The following ATP13A5 variants were observed in gnomAD, a reference collection of about 807,000 sequenced individuals.
The protein encoded by ATP13A5 is probable cation-transporting ATPase 13A5.
In ATP13A5, 149 loss-of-function variants were observed where a neutral mutation model predicts 150.2. That is an observed-to-expected ratio of 0.99 (90% CI 0.87 to 1.14). The LOEUF (loss-of-function observed/expected upper bound fraction) is 1.14, where lower values mean the gene tolerates loss of function less well. Among genes scored for constraint, ATP13A5 ranks in the 50% most tolerant of loss-of-function variants. The probability of loss-of-function intolerance (pLI) is 0.00; values close to 1 mark genes in which losing one functional copy is unlikely to be tolerated. For synonymous variants in ATP13A5, 497 were observed against 522.2 expected, an observed-to-expected ratio of 0.95 and a Z score of 0.66; for missense variants, 1,383 against 1,449.3, an observed-to-expected ratio of 0.95 and a Z score of 0.74.
At chr3:193,341,164 T>G (rs913306780) in intron 9 of ATP13A5, among the ~76,000 whole-genome samples, 12 of 121,452 alleles carry the variant, frequency 9.9e-5, no homozygotes, top group Non-Finnish European at 1.9e-4. Flanking sequence ...ATTAACATAT[T>G]CCCCCCCCCT....
At chr3:193,347,829 T>C (rs1442665163) in intron 7 of ATP13A5, among the ~76,000 whole-genome samples, 3 of 152,166 alleles carry the variant, frequency 2.0e-5, no homozygotes, top group Non-Finnish European at 2.9e-5. Flanking sequence ...TGCAAATCCC[T>C]ACAATTCTCA....
chr3:193,295,764 T>G (rs1392103996), intron 25 of ATP13A5, among the ~76,000 whole-genome samples: 1 of 152,162 alleles, frequency 6.6e-6, no homozygotes, highest in East Asian at 1.9e-4. Context: ...ATATTGGTTA[T>G]TTAACTATAA....
chr3:193,284,111 C>T (rs1336988236), intron 27 of ATP13A5, among the ~76,000 whole-genome samples: 1 of 151,536 alleles, frequency 6.6e-6, no homozygotes, highest in Non-Finnish European at 1.5e-5. Flanking sequence ...GCCTCGACCT[C>T]CCAGGCTCAA....
intron 25 of ATP13A5, among the ~76,000 whole-genome samples, chr3:193,293,358 G>A (rs949943525): frequency 3.9e-5 from 6 of 152,114 alleles, no homozygotes; most frequent in African/African-American, 1.2e-4. Context: ...CTTCTGAAGT[G>A]TTATATGGTA....
At position 193,299,290 on chromosome 3, in the gene ATP13A5, G is replaced by C. The variant is rs1382687903; in HGVS notation, c.2776-87C>G. ...CCCTACACTCTTTTTAAGTCGTTAG[G>C]AGGCAGCTGTTACTTTTTTTTCCCT... On this transcript the variant is annotated intron_variant, in intron 24 of 29. Transcript: ENST00000342358. 3.0e-6 allele frequency: 3 copies of C among 1,002,648 alleles called. No individual in the cohort carries two copies. The African/African-American group carries it at 5.0e-5, about 17-fold the overall frequency. The allele number at this position is 1,002,648 out of a possible 1,614,324, so 62.1% of individuals were successfully genotyped here.
chr3:193,323,654 C>T (rs1425568189), intron 14 of ATP13A5: 6 of 152,206 alleles, frequency 3.9e-5, no homozygotes, highest in Admixed American at 3.9e-4. Flanking sequence ...ATAGTAAATA[C>T]ACCGATTCCT....
At chr3:193,345,675 G>A (rs1013181995) in intron 7 of ATP13A5, among the ~76,000 whole-genome samples, 3 of 152,146 alleles carry the variant, frequency 2.0e-5, no homozygotes, top group Non-Finnish European at 2.9e-5. Context: ...TGTAACAGAC[G>A]CATAAGTTAG....
chr3:193,306,585 A>G (rs1189009563), intron 22 of ATP13A5, among the ~76,000 whole-genome samples: 4 of 152,138 alleles, frequency 2.6e-5, no homozygotes, highest in Non-Finnish European at 4.4e-5. Flanking sequence ...TTAAATCTCT[A>G]ATAAGCTTTG....
chr3:193,321,880 T>C, intron 15 of ATP13A5, 43 bp from the exon 16 acceptor site: 1 of 1,600,732 alleles, frequency 6.2e-7, no homozygotes, highest in Non-Finnish European at 8.5e-7. Flanking sequence ...AGCTGCTAAG[T>C]GATATTTCCA....
At chr3:193,314,631 A>G (rs1718979046) in intron 18 of ATP13A5, among the ~76,000 whole-genome samples, 1 of 152,176 alleles carries the variant, frequency 6.6e-6, no homozygotes, top group African/African-American at 2.4e-5. Flanking sequence ...CTAGAGGACC[A>G]TCAACCAGAG....
At chr3:193,279,976 T>TAAAAAAAAAAAA (rs57617984) in intron 27 of ATP13A5, among the ~76,000 whole-genome samples, 1 of 59,890 alleles carries the variant, frequency 1.7e-5, no homozygotes, top group Non-Finnish European at 2.7e-5. Flanking sequence ...GTGTCTTTGT[T>TAAAAAAAAAAAA]AAAAAAAAAA....
In ATP13A5 at chr3:193,311,886, C is replaced by G. The variant is rs775619721; in HGVS notation, c.2375G>C (p.Cys792Ser). The stretch of plus-strand genomic sequence containing the variant: ...TTTCCCACTCATTGCAAAATGGTAA[C>G]AGCTTCCTCCTTCCCCACGAGGGGT... ...SSTPRGEGGS[C>S]YHFAMSGKSY... Residue 792 changes from cysteine to serine, a missense_variant, in exon 20 of 30, where the codon TGT becomes TCT. By Grantham distance (112) the Cys-to-Ser change is moderately radical. Transcript: ENST00000342358. 3 of 1,613,936 alleles carry G rather than the reference C, an allele frequency of 1.9e-6. No homozygotes were observed. Among genetic ancestry groups the G allele is most frequent in the Non-Finnish European group, 2.5e-6 (3 of 1,179,884 alleles).
intron 16 of ATP13A5, among the ~76,000 whole-genome samples, chr3:193,320,638 A>ACTTCTAAGGTTTT (rs6148253): frequency 0.8 from 118,714 of 147,868 alleles, 46,591 homozygotes; most frequent in East Asian, 0.94. Context: ...AAAAGGGGCT[A>ACTTCTAAGGTTTT]AAAAAAGACT....
rs9866818 is a variant in ATP13A5, at chr3:193,280,252, A to G, written c.3227-798T>C. ...GTATTTTCCATAGAGATGGGGTTTC[A>G]CCATATTGGCCAGGCTGGGCTCGAA... On this transcript the variant is annotated intron_variant, in intron 27 of 29. Transcript: ENST00000342358. Among the ~76,000 whole-genome samples the G allele has an allele frequency of 1.4e-3, 212 of 151,970 alleles. 2 individuals are homozygous for G. The highest frequency in any genetic ancestry group is 5.0e-3 in the African/African-American group (208 of 41,452).
chr3:193,337,169 T>A (rs1363036210), intron 9 of ATP13A5, among the ~76,000 whole-genome samples: 3 of 152,266 alleles, frequency 2.0e-5, no homozygotes, highest in Admixed American at 2.0e-4. Flanking sequence ...TGCAAAAATT[T>A]TCTCCCATTC....
intron 21 of ATP13A5, among the ~76,000 whole-genome samples, chr3:193,308,017 T>C (rs1011627440): frequency 5.9e-5 from 9 of 152,196 alleles, no homozygotes; most frequent in Non-Finnish European, 2.9e-5. Context: ...TTATAAGTAT[T>C]GATAAATGAC....
At position 193,301,249 on chromosome 3, in the gene ATP13A5, C is replaced by A; in HGVS notation, c.2737G>T (p.Gly913Cys). ...FGVFKYLTMYGIIQFISALLL... is the reference protein window; with the variant it reads ...FGVFKYLTMYCIIQFISALLL... Reference sequence around the variant, plus strand: ...AATGCACTGATAAACTGGATTATGCCGTACATGGTCAAGTATTTAAATACT... The same window carrying A: ...AATGCACTGATAAACTGGATTATGCAGTACATGGTCAAGTATTTAAATACT... Residue 913 changes from glycine (G) to cysteine (C), a missense_variant, in exon 24 of 30, where the codon GGC becomes TGC. By Grantham distance (159) the Gly-to-Cys change is radical. Around this residue, in one of 3 missense-constraint regions of ATP13A5, gnomAD observed 568 missense variants for 621.5 expected, o/e 0.91. Transcript: ENST00000342358. The A allele has an allele frequency of 1.2e-6, 2 of 1,613,338 alleles. No homozygotes were observed. Among genetic ancestry groups the A allele is most frequent in the Non-Finnish European group, 1.7e-6 (2 of 1,179,580 alleles).
chr3:193,327,929 A>C (rs999218829), intron 12 of ATP13A5, among the ~76,000 whole-genome samples: 1 of 152,188 alleles, frequency 6.6e-6, no homozygotes, highest in Non-Finnish European at 1.5e-5. Context: ...CAACACTAAG[A>C]TCCAAGTCTC....
At chr3:193,292,711 A>G (rs1231112860) in intron 25 of ATP13A5, among the ~76,000 whole-genome samples, 1 of 152,152 alleles carries the variant, frequency 6.6e-6, no homozygotes, top group East Asian at 1.9e-4. Flanking sequence ...GGCTCAGCTG[A>G]GCTGACCTAG....
Sources: gnomAD v4.1 joint callset for allele counts (sites outside exome capture counted in the v4.1 genomes callset) on GRCh38, gnomAD v4.1.1 for gene constraint, gnomAD v4.1.1 regional missense constraint, MANE v1.5 for transcripts, NCBI Gene and HGNC (gene_info 2026-07-23, HGNC 2026-07-21) for gene names.